The following RHBDD1 variants were observed in gnomAD, a reference collection of about 807,000 sequenced individuals.
The protein encoded by RHBDD1 is rhomboid domain containing 1.
Under a neutral mutation model 36.3 loss-of-function variants are expected in RHBDD1, and 38 were observed. The observed-to-expected ratio is 1.05, with a 90% CI of 0.81 to 1.37. The LOEUF (loss-of-function observed/expected upper bound fraction) is 1.37, where lower values mean the gene tolerates loss of function less well. Ranked by LOEUF, RHBDD1 falls within the 40% of genes most tolerant of loss-of-function variation. The probability of loss-of-function intolerance (pLI) is 0.00; values close to 1 mark genes in which losing one functional copy is unlikely to be tolerated. For missense variants in RHBDD1, 393 were observed against 377.6 expected, an observed-to-expected ratio of 1.04 and a Z score of -0.34; for synonymous variants, 151 against 136.5, an observed-to-expected ratio of 1.11 and a Z score of -0.74.
chr2:226,859,600 G>A (rs553952417), intron 3 of RHBDD1, among the ~76,000 whole-genome samples: 9 of 152,304 alleles, frequency 5.9e-5, no homozygotes, highest in African/African-American at 2.2e-4. Context: ...AGCTCTGGGT[G>A]TTGTTGGTGA....
the RHBDD1 span, among the ~76,000 whole-genome samples, chr2:226,813,422 G>T: frequency 3.9e-4 from 59 of 152,296 alleles, 1 homozygote; most frequent in Middle Eastern, 6.8e-3. Context: ...TTGGGGGATG[G>T]CATTATAAGA....
upstream of RHBDD1, among the ~76,000 whole-genome samples, chr2:226,834,342 G>A (rs1940816175): frequency 6.6e-6 from 1 of 152,200 alleles, no homozygotes; most frequent in African/African-American, 2.4e-5. Context: ...ACCTCTATAG[G>A]CAATTTACTT....
chr2:226,952,999 G>GA (rs1381124731), intron 8 of RHBDD1, among the ~76,000 whole-genome samples: 1 of 152,108 alleles, frequency 6.6e-6, no homozygotes, highest in African/African-American at 2.4e-5. Flanking sequence ...TCTCCATGAT[G>GA]AAAAAAGAAG....
intron 5 of RHBDD1, among the ~76,000 whole-genome samples, chr2:226,897,791 C>T (rs557945807): frequency 1.7e-3 from 252 of 151,962 alleles, no homozygotes; most frequent in Non-Finnish European, 2.7e-3. Flanking sequence ...ACCAACATGG[C>T]GAAACCCTGT....
chr2:226,844,820 T>A (rs1942047110), intron 3 of RHBDD1, among the ~76,000 whole-genome samples: 1 of 152,136 alleles, frequency 6.6e-6, no homozygotes, highest in Non-Finnish European at 1.5e-5. Flanking sequence ...ATACTGGAAA[T>A]CATAAATGGT....
chr2:226,932,872 GTTCTGC>G (rs895784832), intron 8 of RHBDD1, among the ~76,000 whole-genome samples: 21 of 152,108 alleles, frequency 1.4e-4, no homozygotes, highest in African/African-American at 5.1e-4. Flanking sequence ...GGAAATGGTG[GTTCTGC>G]TAGTCCGTTC....
intron 3 of RHBDD1, among the ~76,000 whole-genome samples, chr2:226,861,832 A>C (rs1048095197): frequency 2.0e-5 from 3 of 152,234 alleles, no homozygotes; most frequent in Non-Finnish European, 2.9e-5. Flanking sequence ...AATGTGAAAA[A>C]TATAGGCCAT....
intron 5 of RHBDD1, among the ~76,000 whole-genome samples, chr2:226,898,645 A>C: frequency 6.6e-6 from 1 of 152,250 alleles, no homozygotes; most frequent in East Asian, 1.9e-4. Context: ...AAGAAGTTTA[A>C]AAACAGTTTC....
the RHBDD1 span, among the ~76,000 whole-genome samples, chr2:226,827,374 G>T: frequency 6.6e-6 from 1 of 152,182 alleles, no homozygotes; most frequent in African/African-American, 2.4e-5. Context: ...GTAGTCCAGT[G>T]TCCACATTGT....
the RHBDD1 span, among the ~76,000 whole-genome samples, chr2:226,829,835 T>C: frequency 6.6e-6 from 1 of 152,222 alleles, no homozygotes; most frequent in Non-Finnish European, 1.5e-5. Flanking sequence ...TTCAATTTGA[T>C]GCCTTTTATT....
the RHBDD1 span, chr2:226,805,153 A>G: frequency 6.6e-6 from 1 of 152,190 alleles, no homozygotes; most frequent in Non-Finnish European, 1.5e-5. Context: ...AGACAATGCC[A>G]CTAATGTTTT....
intron 8 of RHBDD1, among the ~76,000 whole-genome samples, chr2:226,964,483 C>T (rs1952470223): frequency 1.3e-5 from 2 of 152,146 alleles, no homozygotes; most frequent in Admixed American, 1.3e-4. Context: ...TCCACTTTAC[C>T]TTTGAACATC....
Position 226,949,283 on chromosome 2 carries a change from A to G in RHBDD1, c.856+34932A>G, listed in dbSNP as rs78467780. ...ATAATTAGAAAAAACTAAATTTCATATGGAACCAAAAAAGAGTCTGTATAG... is the reference window on the plus strand; with the variant it reads ...ATAATTAGAAAAAACTAAATTTCATGTGGAACCAAAAAAGAGTCTGTATAG... On this transcript the variant is annotated intron_variant, in intron 8 of 8. Transcript: ENST00000392062. 5.9e-5 allele frequency among the ~76,000 whole-genome samples: 9 copies of G among 152,342 alleles called. No individual in the cohort carries two copies. In the East Asian group the frequency reaches 1.7e-3, roughly 29 times the overall value.
chr2:226,992,904 C>T (rs1958579412), intron 8 of RHBDD1, among the ~76,000 whole-genome samples: 1 of 152,176 alleles, frequency 6.6e-6, no homozygotes, highest in Admixed American at 6.5e-5. Context: ...GTTTCCTCTT[C>T]TGCAAAACTG....
intron 5 of RHBDD1, among the ~76,000 whole-genome samples, chr2:226,883,799 G>A (rs1481439153): frequency 6.6e-6 from 1 of 152,182 alleles, no homozygotes; most frequent in African/African-American, 2.4e-5. Context: ...TGGGTCAGTA[G>A]GTGATAATCA....
chr2:226,896,926 C>G (rs1370746006), intron 5 of RHBDD1, among the ~76,000 whole-genome samples: 1 of 152,078 alleles, frequency 6.6e-6, no homozygotes, highest in Non-Finnish European at 1.5e-5. Flanking sequence ...CCTCAGCTTC[C>G]CAAGTAGCTG....
intron 8 of RHBDD1, among the ~76,000 whole-genome samples, chr2:226,925,706 G>C (rs1949621363): frequency 1.3e-5 from 2 of 152,188 alleles, no homozygotes; most frequent in East Asian, 3.9e-4. Context: ...GGCACTTCAA[G>C]AGTCTTTTTA....
intron 8 of RHBDD1, among the ~76,000 whole-genome samples, chr2:226,990,026 G>A (rs191690480): frequency 1.4e-4 from 22 of 152,214 alleles, no homozygotes; most frequent in Admixed American, 3.3e-4. Flanking sequence ...TACCTTTCTC[G>A]TAAACCAAAA....
In RHBDD1 at chr2:226,952,966, A is replaced by T. The variant is rs1420347573; in HGVS notation, c.856+38615A>T. Among the ~76,000 whole-genome samples the T allele has an allele frequency of 3.3e-5, 5 of 152,196 alleles. No individual in the cohort carries two copies. In the East Asian group the frequency reaches 9.6e-4, roughly 29 times the overall value. ...CAGGTGGATGGATGGATGAAAGGAA[A>T]GTGGTAATGGTTTCCTTATTTGTCT... On this transcript the variant is annotated intron_variant, in intron 8 of 8. Transcript: ENST00000392062.
Sources: allele counts gnomAD v4.1 joint callset (sites outside exome capture counted in the v4.1 genomes callset), GRCh38; gene constraint gnomAD v4.1.1; transcripts MANE v1.5; gene names NCBI Gene and HGNC (gene_info 2026-07-23, HGNC 2026-07-21).